The following CSMD1 variants were observed in gnomAD, a reference collection of about 807,000 sequenced individuals.
CSMD1 encodes the protein CUB and sushi domain-containing protein 1.
In CSMD1, 213 loss-of-function variants were observed where a neutral mutation model predicts 417.5. The ratio of observed to expected loss-of-function variants is 0.51; its 90% CI spans 0.46 to 0.57. CSMD1 has a LOEUF of 0.57. CSMD1 is among the 20% of genes least tolerant of loss of function. The pLI is 0.00. For synonymous variants in CSMD1, 2,862 were observed against 1,736.8 expected, an observed-to-expected ratio of 1.65 and a Z score of -16.11; for missense variants, 6,923 against 4,529.7, an observed-to-expected ratio of 1.53 and a Z score of -15.17.
intron 4 of CSMD1, among the ~76,000 whole-genome samples, chr8:4,015,867 A>G (rs1327498247): frequency 1.3e-5 from 2 of 152,154 alleles, no homozygotes; most frequent in Admixed American, 6.5e-5. Context: ...GCCGTTTTCT[A>G]TGGTTTACAT....
chr8:4,084,875 A>T (rs557621444), intron 3 of CSMD1, among the ~76,000 whole-genome samples: 40 of 152,262 alleles, frequency 2.6e-4, no homozygotes, highest in African/African-American at 7.9e-4. Flanking sequence ...TCTAATGCAA[A>T]TACATACATT....
In CSMD1 at chr8:3,829,936, A is replaced by G. The variant is rs186080572; in HGVS notation, c.819-75894T>C. 1.9e-3 allele frequency among the ~76,000 whole-genome samples: 285 copies of G among 152,276 alleles called. 4 individuals carry two copies. Among genetic ancestry groups the G allele is most frequent in the Middle Eastern group, 0.01 (3 of 294 alleles). ...ATGAAGGCTTTTCTCCTTTGAAAAA[A>G]AACTGATTTCAAGGAAAATTAAAAA... On this transcript the variant is annotated intron_variant, in intron 5 of 69. Transcript: ENST00000635120.
At chr8:3,999,417 C>A (rs893144347) in intron 4 of CSMD1, among the ~76,000 whole-genome samples, 2 of 152,164 alleles carry the variant, frequency 1.3e-5, no homozygotes, top group Non-Finnish European at 2.9e-5. Context: ...TCCCAAGTTG[C>A]AAGTTCCAAT....
intron 3 of CSMD1, among the ~76,000 whole-genome samples, chr8:4,122,208 G>C (rs1457220721): frequency 1.3e-5 from 2 of 152,138 alleles, no homozygotes; most frequent in Admixed American, 6.5e-5. Flanking sequence ...GTTAATGATA[G>C]TCTATTTGCT....
intron 24 of CSMD1, 101 bp downstream of exon 24, chr8:3,308,211 T>C (rs1318727047): frequency 2.2e-6 from 2 of 895,478 alleles, no homozygotes; most frequent in African/African-American, 3.3e-5. Flanking sequence ...GAAAGTGTGA[T>C]AAAATTCCTC....
At chr8:4,614,706 G>A (rs375939555) in intron 2 of CSMD1, among the ~76,000 whole-genome samples, 2 of 152,010 alleles carry the variant, frequency 1.3e-5, no homozygotes, top group African/African-American at 4.8e-5. Context: ...ACCATTCATG[G>A]AACGAACACT....
At chr8:4,071,289 ATT>A (rs1410802591) in intron 3 of CSMD1, among the ~76,000 whole-genome samples, 3 of 151,670 alleles carry the variant, frequency 2.0e-5, no homozygotes, top group Non-Finnish European at 2.9e-5. Flanking sequence ...TTTCAGTCTT[ATT>A]TTCTCTATAT....
At chr8:4,686,514 G>A in intron 1 of CSMD1, among the ~76,000 whole-genome samples, 1 of 152,310 alleles carries the variant, frequency 6.6e-6, no homozygotes, top group East Asian at 1.9e-4. Flanking sequence ...AAACACGGGA[G>A]CACAGCGAAG....
In CSMD1 at chr8:3,483,195, A is replaced by C. The variant is rs939556708; in HGVS notation, c.1448+10428T>G. ...GAAACAAATATTCTCTTTCAAAAATAATATAATTGATGAAGCTATAAGAAC... is the reference window on the plus strand; with the variant it reads ...GAAACAAATATTCTCTTTCAAAAATCATATAATTGATGAAGCTATAAGAAC... On this transcript the variant is annotated intron_variant, in intron 11 of 69. Coordinates refer to ENST00000635120, the MANE Select transcript of CSMD1 (RefSeq NM_033225.6). Among the ~76,000 whole-genome samples, 8 of 152,226 alleles carry C rather than the reference A, an allele frequency of 5.3e-5. No individual in the cohort carries two copies. In the South Asian group the frequency reaches 8.3e-4, roughly 16 times the overall value.
chr8:3,929,399 C>G (rs1563221776), intron 5 of CSMD1, among the ~76,000 whole-genome samples: 1 of 150,412 alleles, frequency 6.6e-6, no homozygotes, highest in African/African-American at 2.5e-5. Context: ...CCAAGGGTGA[C>G]AATGTAATTT....
intron 5 of CSMD1, among the ~76,000 whole-genome samples, chr8:3,882,174 C>G (rs1022143216): frequency 7.3e-5 from 11 of 151,696 alleles, no homozygotes; most frequent in South Asian, 2.1e-4. Flanking sequence ...ACAGAATATA[C>G]AGACATCTTA....
intron 1 of CSMD1, among the ~76,000 whole-genome samples, chr8:4,745,666 C>T (rs1276584123): frequency 1.3e-5 from 2 of 152,100 alleles, no homozygotes; most frequent in Admixed American, 6.5e-5. Context: ...AAAAAGAAAA[C>T]ACAGATTTTA....
chr8:3,627,289 C>A (rs1156543744), intron 7 of CSMD1, among the ~76,000 whole-genome samples: 4 of 152,066 alleles, frequency 2.6e-5, no homozygotes, highest in Non-Finnish European at 5.9e-5. Flanking sequence ...TACCTAGCTG[C>A]AAGACACTTG....
At chr8:3,006,463 A>T (rs1807912412) in intron 52 of CSMD1, among the ~76,000 whole-genome samples, 1 of 152,132 alleles carries the variant, frequency 6.6e-6, no homozygotes, top group South Asian at 2.1e-4. Context: ...CCGAATCACC[A>T]AGTCAATCCT....
At chr8:3,039,173 T>C (rs905843655) in intron 50 of CSMD1, among the ~76,000 whole-genome samples, 3 of 151,168 alleles carry the variant, frequency 2.0e-5, no homozygotes, top group South Asian at 2.1e-4. Context: ...CAAGAAGGTA[T>C]ATTCCTAGAT....
At chr8:3,184,971 C>G (rs1328895039) in intron 36 of CSMD1, among the ~76,000 whole-genome samples, 1 of 152,194 alleles carries the variant, frequency 6.6e-6, no homozygotes, top group Non-Finnish European at 1.5e-5. Context: ...CTGTCACATC[C>G]CTGTTTTGTC....
chr8:4,972,184 G>A (rs975756227), intron 1 of CSMD1, among the ~76,000 whole-genome samples: 3 of 152,108 alleles, frequency 2.0e-5, no homozygotes, highest in African/African-American at 2.4e-5. Flanking sequence ...TATAAAAACA[G>A]AGACTTCAGG....
At chr8:3,163,892 C>T (rs1364532078) in intron 37 of CSMD1, among the ~76,000 whole-genome samples, 1 of 152,156 alleles carries the variant, frequency 6.6e-6, no homozygotes, top group Non-Finnish European at 1.5e-5. Context: ...AAAGTGAAGT[C>T]AGCCTGGCTG....
intron 3 of CSMD1, among the ~76,000 whole-genome samples, chr8:4,181,597 T>C (rs1295843462): frequency 1.3e-5 from 2 of 152,182 alleles, no homozygotes; most frequent in African/African-American, 4.8e-5. Context: ...TGGAAAAGCT[T>C]GCTATAAGGC....
Sources: allele counts gnomAD v4.1 joint callset (sites outside exome capture counted in the v4.1 genomes callset), GRCh38; gene constraint gnomAD v4.1.1; transcripts MANE v1.5; gene names NCBI Gene and HGNC (gene_info 2026-07-23, HGNC 2026-07-21).